The following TRMT11 variants were observed in gnomAD, a reference collection of about 807,000 sequenced individuals.
The protein encoded by TRMT11 is tRNA methyltransferase 11.
In TRMT11, 53 loss-of-function variants were observed where a neutral mutation model predicts 62.8. The observed-to-expected ratio is 0.84, with a 90% confidence interval of 0.68 to 1.06. The LOEUF is 1.06. Among genes scored for constraint, TRMT11 ranks in the 50% least tolerant of loss-of-function variants. TRMT11 has a pLI of 0.00. For missense variants in TRMT11, 556 were observed against 553.4 expected, an observed-to-expected ratio of 1.00 and a Z score of -0.05; for synonymous variants, 188 against 190.3, an observed-to-expected ratio of 0.99 and a Z score of 0.10.
chr6:126,167,784 T>C (rs1166824889), intron 21 of TRMT11, among the ~76,000 whole-genome samples: 1 of 152,214 alleles, frequency 6.6e-6, no homozygotes, highest in Non-Finnish European at 1.5e-5. Context: ...CTTCATACGC[T>C]CAACAGACCA....
downstream of TRMT11, among the ~76,000 whole-genome samples, chr6:126,203,675 T>C (rs1778761075): frequency 6.6e-6 from 1 of 152,222 alleles, no homozygotes; most frequent in Non-Finnish European, 1.5e-5. Flanking sequence ...TTTATTATAA[T>C]GTTATTTGTG....
At chr6:126,010,530 G>C (rs2128814414) in intron 8 of TRMT11, among the ~76,000 whole-genome samples, 1 of 152,182 alleles carries the variant, frequency 6.6e-6, no homozygotes, top group East Asian at 1.9e-4. Context: ...TATGGAGTCA[G>C]TATAAGATTA....
intron 21 of TRMT11, among the ~76,000 whole-genome samples, chr6:126,128,585 C>A (rs765353049): frequency 6.6e-6 from 1 of 151,980 alleles, no homozygotes; most frequent in Non-Finnish European, 1.5e-5. Flanking sequence ...GTGTGTTTTC[C>A]CCAGTGGATG....
the TRMT11 span, among the ~76,000 whole-genome samples, chr6:126,239,548 T>C: frequency 6.6e-6 from 1 of 152,248 alleles, no homozygotes; most frequent in Non-Finnish European, 1.5e-5. Flanking sequence ...CACTCTCTTC[T>C]GGCTTGTAGA....
the TRMT11 span, among the ~76,000 whole-genome samples, chr6:126,253,525 CTAG>C: frequency 6.6e-6 from 1 of 151,978 alleles, no homozygotes; most frequent in African/African-American, 2.4e-5. Context: ...TTTTTAAAGG[CTAG>C]TAGTACAATA....
chr6:125,986,700 A>G, intron 1 of TRMT11, 78 bp downstream of exon 1: 1 of 1,369,014 alleles, frequency 7.3e-7, no homozygotes, highest in Non-Finnish European at 1.0e-6. Flanking sequence ...GGTGATCTGC[A>G]TAGCCCGAGG....
At chr6:126,215,296 T>G in the TRMT11 span, among the ~76,000 whole-genome samples, 2 of 151,950 alleles carry the variant, frequency 1.3e-5, no homozygotes, top group Non-Finnish European at 1.5e-5. Context: ...GTTGAAGTCT[T>G]CAACTATGAT....
At chr6:126,262,524 A>G in the TRMT11 span, among the ~76,000 whole-genome samples, 3 of 151,622 alleles carry the variant, frequency 2.0e-5, no homozygotes, top group African/African-American at 7.3e-5. Context: ...CATTGCTACA[A>G]CCTCCCAGGA....
chr6:126,205,422 T>C (rs1778780234), downstream of TRMT11, among the ~76,000 whole-genome samples: 1 of 152,196 alleles, frequency 6.6e-6, no homozygotes, highest in Non-Finnish European at 1.5e-5. Flanking sequence ...GAGAATTACT[T>C]GAACCTGGGA....
intron 7 of TRMT11, among the ~76,000 whole-genome samples, chr6:126,002,163 G>C (rs1390284159): frequency 6.6e-6 from 1 of 152,104 alleles, no homozygotes; most frequent in African/African-American, 2.4e-5. Flanking sequence ...GATCCTTTCA[G>C]TGGACAAACT....
chr6:126,065,279 A>C (rs773602423), intron 17 of TRMT11, among the ~76,000 whole-genome samples: 4 of 152,194 alleles, frequency 2.6e-5, no homozygotes, highest in Non-Finnish European at 4.4e-5. Context: ...TTGTTCTTCT[A>C]TCACGTGTCC....
intron 21 of TRMT11, among the ~76,000 whole-genome samples, chr6:126,156,259 G>T (rs1427915869): frequency 1.3e-5 from 2 of 152,126 alleles, no homozygotes; most frequent in African/African-American, 4.8e-5. Flanking sequence ...CGGTCTGAGG[G>T]GGTGGAGGAC....
chr6:126,130,878 C>T (rs1460896402), intron 21 of TRMT11, among the ~76,000 whole-genome samples: 2 of 152,068 alleles, frequency 1.3e-5, no homozygotes, highest in African/African-American at 4.8e-5. Flanking sequence ...AGCCTTTGCT[C>T]CTCCACATAA....
intron 17 of TRMT11, among the ~76,000 whole-genome samples, chr6:126,053,581 T>G (rs1172206939): frequency 1.3e-5 from 2 of 152,122 alleles, no homozygotes; most frequent in African/African-American, 4.8e-5. Context: ...CTATGCCTGC[T>G]TATCCTGCCT....
At chr6:126,140,939 A>T (rs1215604046) in intron 21 of TRMT11, among the ~76,000 whole-genome samples, 1 of 152,126 alleles carries the variant, frequency 6.6e-6, no homozygotes, top group African/African-American at 2.4e-5. Context: ...GAATTTTCTT[A>T]AACTCCATGT....
intron 17 of TRMT11, among the ~76,000 whole-genome samples, chr6:126,054,001 A>G (rs1042970563): frequency 6.6e-6 from 1 of 152,184 alleles, no homozygotes; most frequent in Admixed American, 6.5e-5. Context: ...AGCTAAATGC[A>G]TTAGCCAAAG....
the TRMT11 span, among the ~76,000 whole-genome samples, chr6:126,213,117 C>A: frequency 6.6e-6 from 1 of 151,998 alleles, no homozygotes; most frequent in African/African-American, 2.4e-5. Context: ...CTATTCTGTT[C>A]CATTGGTCTA....
chr6:126,122,640 C>G (rs1480640071), intron 21 of TRMT11, among the ~76,000 whole-genome samples: 1 of 152,110 alleles, frequency 6.6e-6, no homozygotes, highest in Non-Finnish European at 1.5e-5. Context: ...CTGGGCTTCC[C>G]CACTCATTCT....
intron 21 of TRMT11, among the ~76,000 whole-genome samples, chr6:126,123,300 C>T (rs1347316206): frequency 6.6e-6 from 1 of 152,052 alleles, no homozygotes; most frequent in Non-Finnish European, 1.5e-5. Context: ...TTGGAGCCAT[C>T]TTTTGGGGGC....
Sources: gnomAD v4.1 joint callset for allele counts (sites outside exome capture counted in the v4.1 genomes callset) on GRCh38, gnomAD v4.1.1 for gene constraint, MANE v1.5 for transcripts, NCBI Gene and HGNC (gene_info 2026-07-23, HGNC 2026-07-21) for gene names.